The following ACACA variants were observed in gnomAD, a reference collection of about 807,000 sequenced individuals.
ACACA encodes acetyl-CoA carboxylase alpha, also known as acetyl-CoA carboxylase 1.
Under a neutral mutation model 296.1 loss-of-function variants are expected in ACACA, and 103 were observed. The ratio of observed to expected loss-of-function variants is 0.35; its 90% CI spans 0.30 to 0.41. The LOEUF is 0.41. Ranked by LOEUF, ACACA falls within the 10% of genes least tolerant of loss-of-function variation. ACACA has a pLI of 1.00. For synonymous variants in ACACA, 953 were observed against 1,038.6 expected (o/e 0.92, Z 1.58); for missense variants, 1,554 against 2,989.7 (o/e 0.52, Z 11.20).
At chr17:37,279,450 T>C (rs1454527639) in intron 5 of ACACA, among the ~76,000 whole-genome samples, 1 of 151,960 alleles carries the variant, frequency 6.6e-6, no homozygotes, top group Non-Finnish European at 1.5e-5. Context: ...CTGGCTAACA[T>C]GGTGAAACCC....
chr17:37,234,936 C>G (rs1052782595), intron 25 of ACACA, 39 bp downstream of exon 25: 2 of 1,612,178 alleles, frequency 1.2e-6, no homozygotes. Context: ...TTTTGCATAT[C>G]ATTGACGGTC....
chr17:37,306,273 T>A (rs1024908962), intron 3 of ACACA, among the ~76,000 whole-genome samples: 1 of 152,132 alleles, frequency 6.6e-6, no homozygotes, highest in African/African-American at 2.4e-5. Context: ...TCAAGAGTGT[T>A]AAAATGGTTA....
chr17:37,390,242 TTATATA>T, intron 1 of ACACA, among the ~76,000 whole-genome samples: 1 of 48,612 alleles, frequency 2.1e-5, no homozygotes, highest in African/African-American at 1.3e-4. Context: ...ATATAATATA[TTATATA>T]TATATTATAT....
rs190547360 is a variant in ACACA, at chr17:37,116,402, C to T, written c.6275-3137G>A. Among the ~76,000 whole-genome samples, 207 of 152,266 alleles carry T rather than the reference C, an allele frequency of 1.4e-3. 1 individual carries two copies. Among genetic ancestry groups the T allele is most frequent in the Middle Eastern group, 6.8e-3 (2 of 292 alleles). The stretch of plus-strand genomic sequence containing the variant: ...CAGAAAAAGAGACTTGAATACATGA[C>T]TGAATATTCCCAACTGCTGCTGGAT... On this transcript the variant is annotated intron_variant, in intron 50 of 55. Coordinates refer to ENST00000616317, the MANE Select transcript of ACACA (RefSeq NM_198834.3).
chr17:37,185,079 T>C (rs1486856679), intron 39 of ACACA, among the ~76,000 whole-genome samples: 1 of 152,178 alleles, frequency 6.6e-6, no homozygotes, highest in East Asian at 1.9e-4. Context: ...GCTTCTACCT[T>C]TGACTGCAAA....
intron 54 of ACACA, among the ~76,000 whole-genome samples, chr17:37,093,357 C>T (rs2072771242): frequency 6.6e-6 from 1 of 152,160 alleles, no homozygotes; most frequent in African/African-American, 2.4e-5. Flanking sequence ...CCACTGTGCT[C>T]AGGAGTCAGC....
intron 45 of ACACA, among the ~76,000 whole-genome samples, chr17:37,142,220 C>G (rs1224558265): frequency 6.6e-6 from 1 of 152,138 alleles, no homozygotes; most frequent in Non-Finnish European, 1.5e-5. Flanking sequence ...TGCATGGGCT[C>G]TCTTAGAGTC....
chr17:37,165,837 G>A (rs2076644784), intron 41 of ACACA, among the ~76,000 whole-genome samples: 1 of 151,696 alleles, frequency 6.6e-6, no homozygotes, highest in Non-Finnish European at 1.5e-5. Context: ...CACCATACTC[G>A]GCCAATTTTT....
intron 1 of ACACA, chr17:37,367,001 T>C (rs2049628908): frequency 1.3e-5 from 2 of 151,928 alleles, no homozygotes; most frequent in Admixed American, 6.6e-5. Flanking sequence ...GGCAGGAGAA[T>C]CCGTTGAATC....
intron 52 of ACACA, among the ~76,000 whole-genome samples, chr17:37,107,318 A>T (rs557182232): frequency 6.6e-6 from 1 of 152,314 alleles, no homozygotes; most frequent in East Asian, 1.9e-4. Flanking sequence ...AGTTGGAAAA[A>T]CACAGCTCAG....
intron 45 of ACACA, chr17:37,141,423 G>T: frequency 3.4e-6 from 1 of 291,904 alleles, no homozygotes. Context: ...CCCCACACCT[G>T]GCTAATTTTT....
At chr17:37,243,698 G>C in intron 21 of ACACA, 139 bp from the exon 22 acceptor site, 4 of 848,610 alleles carry the variant, frequency 4.7e-6, no homozygotes, top group Non-Finnish European at 5.8e-6. Flanking sequence ...ACATACTTGA[G>C]CCCTACGGAA....
Position 37,089,002 on chromosome 17 carries a change from G to A in ACACA, c.6964C>T (p.His2322Tyr), listed in dbSNP as rs144385756. ...TTGATGTTTTCCTCTATTACCGAGT[G>A]AACACCATCCTCCTCTGTCAGCTGT... ...EKQLTEEDGV[H>Y]SVIEENIKCI... The change falls in exon 55 of 56, where the codon CAC (histidine) becomes TAC (tyrosine). Residue 2322 changes from histidine (H) to tyrosine (Y), a missense_variant. His to Tyr is a moderately conservative substitution (Grantham distance 83, BLOSUM62 2). Transcript: ENST00000616317. The A allele has an allele frequency of 8.7e-6, 14 of 1,614,018 alleles. No individual in the cohort carries two copies. In the East Asian group the frequency reaches 2.9e-4, roughly 33 times the overall value.
intron 54 of ACACA, 25 bp downstream of exon 54, chr17:37,096,971 G>C: frequency 6.2e-7 from 1 of 1,613,938 alleles, no homozygotes; most frequent in Non-Finnish European, 8.5e-7. Context: ...CAGCAAAAAG[G>C]CTTCTCTTTG....
chr17:37,288,594 CA>C (rs1297536642), intron 3 of ACACA, among the ~76,000 whole-genome samples: 2 of 152,102 alleles, frequency 1.3e-5, no homozygotes, highest in Non-Finnish European at 2.9e-5. Flanking sequence ...CATCAAACTA[CA>C]TAATTTTAAA....
chr17:37,193,149 G>C lies in ACACA; in HGVS notation c.4200+225C>G, dbSNP rs188976629. On this transcript the variant is annotated intron_variant, in intron 36 of 55. Transcript: ENST00000616317. The stretch of plus-strand genomic sequence containing the variant: ...TACAGGACAAGGATGATTTGGAAAG[G>C]TATCACCTTCGTTGAGTAGCTCAAT... Among the ~76,000 whole-genome samples the C allele has an allele frequency of 3.0e-3, 456 of 152,226 alleles. 3 individuals carry two copies. Among genetic ancestry groups the C allele is most frequent in the African/African-American group, 0.011 (442 of 41,532 alleles).
intron 1 of ACACA, chr17:37,368,689 T>G (rs879072077): frequency 6.6e-5 from 10 of 152,222 alleles, no homozygotes; most frequent in African/African-American, 2.4e-4. Flanking sequence ...TATGAATCCT[T>G]TACCCTTACT....
At chr17:37,234,933 T>C in intron 25 of ACACA, 42 bp downstream of exon 25, 4 of 1,611,600 alleles carry the variant, frequency 2.5e-6, no homozygotes, top group Non-Finnish European at 3.4e-6. Context: ...ACTTTTTGCA[T>C]ATCATTGACG....
intron 1 of ACACA, among the ~76,000 whole-genome samples, chr17:37,393,609 G>A (rs946612825): frequency 5.9e-5 from 9 of 152,024 alleles, no homozygotes; most frequent in East Asian, 1.9e-4. Flanking sequence ...TTGGGAGGCC[G>A]AGGTGGGCAG....
Sources: allele counts gnomAD v4.1 joint callset (sites outside exome capture counted in the v4.1 genomes callset), GRCh38; gene constraint gnomAD v4.1.1; transcripts MANE v1.5; gene names NCBI Gene and HGNC (gene_info 2026-07-23, HGNC 2026-07-21).